Variants in DNAJB1 observed in about 807,000 individuals in gnomAD.
DNAJB1 encodes dnaJ homolog subfamily B member 1.
In DNAJB1, 14 loss-of-function variants were observed where a neutral mutation model predicts 24.0. That is an observed-to-expected ratio of 0.58 (90% confidence interval 0.39 to 0.91). DNAJB1 has a LOEUF of 0.91. DNAJB1 is among the 40% of genes least tolerant of loss of function. DNAJB1 has a pLI of 0.00. For synonymous variants in DNAJB1, 262 were observed against 174.4 expected (o/e 1.50, Z -3.96); for missense variants, 517 against 458.1 (o/e 1.13, Z -1.17).
At chr19:14,519,019 G>A (rs141145710), upstream of DNAJB1, among the ~76,000 whole-genome samples, 41 of 152,338 alleles carry the variant, frequency 2.7e-4, no homozygotes, top group East Asian at 7.9e-3. Flanking sequence ...GATCTCTTGA[G>A]CCTAGGAGTT....
In DNAJB1 at chr19:14,518,323, C is replaced by A; in HGVS notation, c.27G>T (p.Leu9Phe). 6.2e-7 allele frequency: 1 copy of A among 1,602,900 alleles called. No homozygotes were observed. The highest frequency in any genetic ancestry group is 8.5e-7 in the Non-Finnish European group (1 of 1,177,374). ...CGTCCGACGCGCCGCGGGCCAGGCCCAACGTCTGGTAGTAGTCTTTACCCA... is the reference window on the plus strand; with the variant it reads ...CGTCCGACGCGCCGCGGGCCAGGCCAAACGTCTGGTAGTAGTCTTTACCCA... Reference protein sequence around the residue: MGKDYYQTLGLARGASDEE... With the variant: MGKDYYQTFGLARGASDEE... Residue 9 changes from leucine (L) to phenylalanine (F), a missense_variant, in exon 1 of 3, where the codon TTG becomes TTT. Leu to Phe is a conservative substitution (Grantham distance 22). Coordinates refer to ENST00000254322, the MANE Select transcript of DNAJB1 (RefSeq NM_006145.3).
upstream of DNAJB1, chr19:14,529,321 A>G (rs1487323089): frequency 2.4e-6 from 1 of 417,806 alleles, no homozygotes; most frequent in East Asian, 4.7e-5. Context: ...CTTGGTTTCC[A>G]CAGCGACGCC....
In DNAJB1 at chr19:14,538,411, G is replaced by A. The variant is rs562397866; in HGVS notation, c.-213-10601C>T. Among the ~76,000 whole-genome samples, 10 of 152,324 alleles carry A rather than the reference G, an allele frequency of 6.6e-5. No individual in the cohort carries two copies. The East Asian group carries it at 1.9e-3, about 29-fold the overall frequency. On this transcript the variant is annotated intron_variant, in intron 1 of 3. Transcript: ENST00000676982. ...CAGCATGCTTCGCGGCCCACAGGCA[G>A]GGTAAAAATCCTTAAGCGGAGAGGG...
At position 14,517,933 on chromosome 19, in the gene DNAJB1, C is replaced by G. The variant is rs552477258; in HGVS notation, c.211+206G>C. 2.3e-5 allele frequency: 11 copies of G among 483,928 alleles called. No individual in the cohort carries two copies. In the East Asian group the frequency reaches 4.0e-4, roughly 17 times the overall value. The allele number at this position is 483,928 out of a possible 1,614,324, so 30.0% of individuals were successfully genotyped here. On this transcript the variant is annotated intron_variant, in intron 1 of 2. Transcript: ENST00000254322. ...GGGGCAGCCCCAGACATGCTAGAAGCTTCTGGCCGAGCGGCTGGGCCAAGG... is the reference window on the plus strand; with the variant it reads ...GGGGCAGCCCCAGACATGCTAGAAGGTTCTGGCCGAGCGGCTGGGCCAAGG...
chr19:14,542,043 A>G (rs2073112864), intron 1 of DNAJB1, among the ~76,000 whole-genome samples: 1 of 152,156 alleles, frequency 6.6e-6, no homozygotes, highest in South Asian at 2.1e-4. Flanking sequence ...TCGGCCTTCC[A>G]GAATGCTGGG....
chr19:14,543,219 A>G (rs1599437393), intron 1 of DNAJB1, among the ~76,000 whole-genome samples: 1 of 132,930 alleles, frequency 7.5e-6, no homozygotes, highest in Non-Finnish European at 1.6e-5. Flanking sequence ...CTAACTCAGG[A>G]GGTGGGCAGA....
At chr19:14,548,173 A>G (rs2073369618) in intron 1 of DNAJB1, among the ~76,000 whole-genome samples, 1 of 151,920 alleles carries the variant, frequency 6.6e-6, no homozygotes, top group Non-Finnish European at 1.5e-5. Context: ...CGTGTTAGCC[A>G]GGATCGTGTC....
upstream of DNAJB1, among the ~76,000 whole-genome samples, chr19:14,533,443 AT>A (rs1262128735): frequency 6.6e-6 from 1 of 151,910 alleles, no homozygotes; most frequent in Non-Finnish European, 1.5e-5. Flanking sequence ...AAAAAAATCT[AT>A]TTCTGCTTGG....
chr19:14,523,913 C>G (rs1408157281), intron 2 of DNAJB1, among the ~76,000 whole-genome samples: 1 of 152,216 alleles, frequency 6.6e-6, no homozygotes, highest in Non-Finnish European at 1.5e-5. Flanking sequence ...CATAAGCCAC[C>G]ATGTCTGGCC....
chr19:14,529,494 G>T (rs1376820373), upstream of DNAJB1: 4 of 712,756 alleles, frequency 5.6e-6, no homozygotes, highest in South Asian at 1.5e-5. Flanking sequence ...GTCTTGGTTC[G>T]GACCGGCCCC....
intron 1 of DNAJB1, among the ~76,000 whole-genome samples, chr19:14,535,435 A>G (rs2146557097): frequency 7.5e-6 from 1 of 133,014 alleles, no homozygotes; most frequent in Admixed American, 8.2e-5. Flanking sequence ...TTGACCCGGG[A>G]GGCGGAGCTT....
chr19:14,516,325 G>C, intron 2 of DNAJB1, 141 bp downstream of exon 2: 1 of 1,266,810 alleles, frequency 7.9e-7, no homozygotes, highest in Non-Finnish European at 1.1e-6. Context: ...CTCCACAACA[G>C]CGCCCTGGTC....
chr19:14,548,206 C>T (rs2073371218), intron 1 of DNAJB1, among the ~76,000 whole-genome samples: 2 of 151,998 alleles, frequency 1.3e-5, no homozygotes, highest in Admixed American at 6.6e-5. Flanking sequence ...TCATGATCCG[C>T]CCCCTCGGCC....
At chr19:14,545,443 A>G (rs1036082783) in intron 1 of DNAJB1, among the ~76,000 whole-genome samples, 6 of 130,100 alleles carry the variant, frequency 4.6e-5, no homozygotes, top group Non-Finnish European at 1.1e-4. Flanking sequence ...CTCCTGGTAC[A>G]TCGTGACCCC....
intron 1 of DNAJB1, among the ~76,000 whole-genome samples, chr19:14,541,783 A>ATT (rs113623037): frequency 4.5e-5 from 6 of 134,448 alleles, no homozygotes; most frequent in South Asian, 2.4e-4. Context: ...ACTTCTTTTC[A>ATT]TTTTTTTTTT....
chr19:14,547,237 T>G (rs2073338426), intron 1 of DNAJB1, among the ~76,000 whole-genome samples: 1 of 152,178 alleles, frequency 6.6e-6, no homozygotes, highest in African/African-American at 2.4e-5. Flanking sequence ...CTGTAAATGT[T>G]TATGTAAAAT....
chr19:14,529,624 GT>G, upstream of DNAJB1: 3 of 1,611,510 alleles, frequency 1.9e-6, no homozygotes, highest in Non-Finnish European at 2.5e-6. Flanking sequence ...TGCGAGCGCT[GT>G]AGGGAGCCTG....
chr19:14,519,436 C>A (rs1371986162), upstream of DNAJB1, among the ~76,000 whole-genome samples: 2 of 152,160 alleles, frequency 1.3e-5, no homozygotes, highest in African/African-American at 4.8e-5. Context: ...TTCTCCCAAC[C>A]GTGGGGAGAA....
intron 1 of DNAJB1, among the ~76,000 whole-genome samples, chr19:14,558,357 T>C (rs970686137): frequency 2.6e-5 from 4 of 152,192 alleles, no homozygotes; most frequent in African/African-American, 9.6e-5. Context: ...ACGGGCTCTG[T>C]TGCTTGCGGC....
Sources: gnomAD v4.1 joint callset for allele counts (sites outside exome capture counted in the v4.1 genomes callset) on GRCh38, gnomAD v4.1.1 for gene constraint, MANE v1.5 for transcripts, NCBI Gene and HGNC (gene_info 2026-07-23, HGNC 2026-07-21) for gene names.